Variants in ESR2 observed in about 807,000 individuals in gnomAD.
ESR2 encodes estrogen receptor 2.
In ESR2, 36 loss-of-function variants were observed where a neutral mutation model predicts 49.6. That is an observed-to-expected ratio of 0.73 (90% confidence interval 0.56 to 0.96). The LOEUF is 0.96. ESR2 is among the 40% of genes least tolerant of loss of function. The pLI is 0.00. For synonymous variants in ESR2, 320 were observed against 266.1 expected (o/e 1.20, Z -1.97); for missense variants, 714 against 693.0 (o/e 1.03, Z -0.34).
intron 1 of ESR2, chr14:64,337,262 G>GTA (rs1182697534): frequency 1.3e-5 from 2 of 152,250 alleles, no homozygotes; most frequent in Non-Finnish European, 1.5e-5. Flanking sequence ...GTATGCAGCT[G>GTA]TAGGCAACTT....
Position 64,294,216 on chromosome 14 carries a change from T to TGGTC in ESR2, c.-278_-275dup, listed in dbSNP as rs1179596182. The stretch of plus-strand genomic sequence containing the variant: ...GCCCCAGAGCCCGTCGCAGCTCGGG[T>TGGTC]GGTCCCTCCCCGGCCCAGCGCTCGC... On this transcript the variant is annotated 5_prime_UTR_variant, in exon 1 of 9. Coordinates refer to ENST00000341099, the MANE Select transcript of ESR2 (RefSeq NM_001437.3). 1 of 152,156 alleles carries TGGTC rather than the reference T, an allele frequency of 6.6e-6. No homozygotes were observed. Among genetic ancestry groups the TGGTC allele is most frequent in the African/African-American group, 2.4e-5 (1 of 41,410 alleles). 9.4% of individuals were successfully genotyped at this position (152,156 alleles called of 1,614,324 possible). A position where few individuals can be genotyped will look rare whatever the true frequency, so the allele number is the denominator to read the frequency against.
At chr14:64,297,765 A>T (rs1299406255), upstream of ESR2, 3 of 152,220 alleles carry the variant, frequency 2.0e-5, no homozygotes, top group Non-Finnish European at 4.4e-5. Flanking sequence ...GTGGAGGGAA[A>T]GGAGGAATGC....
chr14:64,229,040 A>G lies in ESR2; in HGVS notation c.*4097T>C, dbSNP rs2098724857. Among the ~76,000 whole-genome samples the G allele has an allele frequency of 1.3e-5, 2 of 152,324 alleles. No individual in the cohort carries two copies. Among genetic ancestry groups the G allele is most frequent in the South Asian group, 2.1e-4 (1 of 4,828 alleles). On this transcript the variant is annotated 3_prime_UTR_variant, in exon 9 of 9. Transcript: ENST00000341099. The stretch of plus-strand genomic sequence containing the variant: ...AGTACACTTCCAAGGAACATATTCC[A>G]CGTGTTTGGGGAAAGCAGTCACAGA...
At position 64,249,520 on chromosome 14, in the gene ESR2, C is replaced by T. The variant is rs186667034; in HGVS notation, c.1225+26G>A. 1,161 of 1,608,112 alleles carry T rather than the reference C, an allele frequency of 7.2e-4. 1 individual carries two copies. Among genetic ancestry groups the T allele is most frequent in the Non-Finnish European group, 8.3e-4 (974 of 1,178,042 alleles). On this transcript the variant is annotated intron_variant, in intron 7 of 8. Transcript: ENST00000341099. ...GAAACAGCATCTCTCCCCGATAAAA[C>T]ATGGCCCAGCTGTGTGATTACTTAC... is the stretch of plus-strand genomic sequence containing the variant.
rs186173828 is a variant in ESR2, at chr14:64,283,044, T to C, written c.-59A>G. On this transcript the variant is annotated 5_prime_UTR_variant, in exon 2 of 9. Transcript: ENST00000341099. ...AGAAGAGGCACAAAGGTCATTATAA[T>C]GTTCTCAAAGATTCGTGGGCAAGTA... 259 of 1,532,314 alleles carry C rather than the reference T, an allele frequency of 1.7e-4. 1 individual carries two copies. The African/African-American group carries it at 2.9e-3, about 17-fold the overall frequency. The allele number at this position is 1,532,314 out of a possible 1,614,324, so 94.9% of individuals were successfully genotyped here. A position where few individuals can be genotyped will look rare whatever the true frequency, so the allele number is the denominator to read the frequency against.
chr14:64,252,744 C>T (rs2076013744), intron 6 of ESR2, among the ~76,000 whole-genome samples: 2 of 152,204 alleles, frequency 1.3e-5, no homozygotes, highest in African/African-American at 4.8e-5. Context: ...GGGAAACCAT[C>T]CCCATGATCC....
rs144686727 is a variant in ESR2, at chr14:64,267,219, C to T, written c.652+1576G>A. Among the ~76,000 whole-genome samples, 1,332 of 152,284 alleles carry T rather than the reference C, an allele frequency of 8.7e-3. 19 individuals carry two copies. Among genetic ancestry groups the T allele is most frequent in the African/African-American group, 0.03 (1,260 of 41,550 alleles). On this transcript the variant is annotated intron_variant, in intron 4 of 8. Coordinates refer to ENST00000341099, the MANE Select transcript of ESR2 (RefSeq NM_001437.3). ...CAGAAAAAAACCAAACTTGTCTTTT[C>T]CTATTCATAATATGTTTGAGTAAAT...
At chr14:64,254,103 C>A (rs2076049171) in intron 6 of ESR2, among the ~76,000 whole-genome samples, 1 of 152,048 alleles carries the variant, frequency 6.6e-6, no homozygotes, top group Admixed American at 6.5e-5. Flanking sequence ...TTGTGGACAC[C>A]TCAACAAGAA....
In ESR2 at chr14:64,282,926, T is replaced by A; in HGVS notation, c.60A>T (p.Gln20His). 1 of 1,614,074 alleles carries A rather than the reference T, an allele frequency of 6.2e-7. No individual in the cohort carries two copies. The highest frequency in any genetic ancestry group is 1.1e-5 in the South Asian group (1 of 91,078). ...AGCCGTGCTCCAGGGGTAAGATGGA[T>A]TGACTGCAGTTGTAGGAGGAAGGAG... is the stretch of plus-strand genomic sequence containing the variant. ...LNSPSSYNCS[Q>H]SILPLEHGSI... Residue 20 changes from glutamine to histidine, a missense_variant, in exon 2 of 9, where the codon CAA becomes CAT. Coordinates refer to ENST00000341099, the MANE Select transcript of ESR2 (RefSeq NM_001437.3).
chr14:64,249,763 T>C, intron 6 of ESR2, 84 bp from the exon 7 acceptor site: 1 of 1,372,562 alleles, frequency 7.3e-7, no homozygotes, highest in Non-Finnish European at 1.0e-6. Context: ...ATTTTTAATC[T>C]CAAGTTTCAT....
In ESR2 at chr14:64,305,930, G is replaced by T. The variant is rs147059913; in HGVS notation, c.-90-22855C>A. On this transcript the variant is annotated intron_variant, in intron 1 of 8. Transcript: ENST00000358599. Reference sequence around the variant, plus strand: ...AGAAAATGGGACTACAGAAAAATAGGCCGGGCACGGTGGCTCACGCCTGTA... The same window carrying T: ...AGAAAATGGGACTACAGAAAAATAGTCCGGGCACGGTGGCTCACGCCTGTA... 3.7e-3 allele frequency among the ~76,000 whole-genome samples: 564 copies of T among 152,132 alleles called. 1 individual carries two copies. Among genetic ancestry groups the T allele is most frequent in the African/African-American group, 0.013 (538 of 41,524 alleles).
chr14:64,269,884 C>A (rs923247977), intron 3 of ESR2, among the ~76,000 whole-genome samples: 1 of 152,044 alleles, frequency 6.6e-6, no homozygotes, highest in African/African-American at 2.4e-5. Flanking sequence ...TACGAAGAAC[C>A]AATCAGAGGC....
chr14:64,249,720 G>A (rs1197650639), intron 6 of ESR2, 41 bp from the exon 7 acceptor site: 2 of 1,564,670 alleles, frequency 1.3e-6, no homozygotes, highest in Admixed American at 2.0e-5. Context: ...CATAGCTTCA[G>A]GAAACCATCA....
intron 7 of ESR2, among the ~76,000 whole-genome samples, chr14:64,248,970 T>C (rs566056764): frequency 1.3e-5 from 2 of 152,352 alleles, no homozygotes; most frequent in African/African-American, 4.8e-5. Context: ...TTTAAAGTCA[T>C]ACCTACTTCC....
At chr14:64,254,374 T>C (rs1203572726) in intron 6 of ESR2, among the ~76,000 whole-genome samples, 1 of 152,100 alleles carries the variant, frequency 6.6e-6, no homozygotes, top group African/African-American at 2.4e-5. Context: ...GTATATTCAT[T>C]TGTATAAGAG....
chr14:64,246,727 ACT>A (rs1382064174), intron 7 of ESR2, among the ~76,000 whole-genome samples: 5 of 109,334 alleles, frequency 4.6e-5, no homozygotes, highest in African/African-American at 1.8e-4. Flanking sequence ...ACACAGGAAG[ACT>A]CTGTCAAAAA....
chr14:64,271,268 C>T, intron 3 of ESR2, among the ~76,000 whole-genome samples: 1 of 151,850 alleles, frequency 6.6e-6, no homozygotes, highest in South Asian at 2.1e-4. Flanking sequence ...ACTCCCACTA[C>T]CCTTCCTAGC....
intron 1 of ESR2, chr14:64,336,272 A>G (rs997713679): frequency 2.6e-5 from 4 of 152,208 alleles, no homozygotes; most frequent in African/African-American, 9.7e-5. Flanking sequence ...TGGAAGCACA[A>G]TTTTAAGTTG....
At chr14:64,336,904 C>T (rs570893584) in intron 1 of ESR2, among the ~76,000 whole-genome samples, 2 of 152,254 alleles carry the variant, frequency 1.3e-5, no homozygotes, top group South Asian at 4.1e-4. Flanking sequence ...AGATTTTTCT[C>T]ATCAGATTCT....
Sources: gnomAD v4.1 joint callset for allele counts (sites outside exome capture counted in the v4.1 genomes callset) on GRCh38, gnomAD v4.1.1 for gene constraint, MANE v1.5 for transcripts, NCBI Gene and HGNC (gene_info 2026-07-23, HGNC 2026-07-21) for gene names.